The following TDRD3 variants were observed in gnomAD, a reference collection of about 807,000 sequenced individuals.
TDRD3 encodes tudor domain-containing protein 3.
Under a neutral mutation model 86.7 loss-of-function variants are expected in TDRD3, and 45 were observed. The observed-to-expected ratio is 0.52, with a 90% confidence interval of 0.41 to 0.67. TDRD3 has a LOEUF of 0.67. Ranked by LOEUF, TDRD3 falls within the 30% of genes least tolerant of loss-of-function variation. The pLI is 0.00. For missense variants in TDRD3, 814 were observed against 889.0 expected, an observed-to-expected ratio of 0.92 and a Z score of 1.07; for synonymous variants, 298 against 301.7, an observed-to-expected ratio of 0.99 and a Z score of 0.13.
chr13:60,542,679 TG>T (rs1369967427), intron 12 of TDRD3, among the ~76,000 whole-genome samples: 2 of 152,208 alleles, frequency 1.3e-5, no homozygotes, highest in African/African-American at 4.8e-5. Context: ...AGTTGTCAGT[TG>T]TTCATTCTCT....
chr13:60,537,807 G>A (rs1464814193), intron 12 of TDRD3: 4 of 151,860 alleles, frequency 2.6e-5, no homozygotes, highest in African/African-American at 9.7e-5. Context: ...CTTTCATTAA[G>A]ATTTATGTTT....
intron 8 of TDRD3, among the ~76,000 whole-genome samples, chr13:60,507,473 G>A (rs778232287): frequency 7.9e-5 from 12 of 151,982 alleles, no homozygotes; most frequent in Admixed American, 1.3e-4. Flanking sequence ...GCAAAAGAAC[G>A]AAAATAATAA....
intron 5 of TDRD3, among the ~76,000 whole-genome samples, chr13:60,474,994 A>G (rs1956154576): frequency 2.0e-5 from 3 of 151,976 alleles, no homozygotes; most frequent in African/African-American, 2.4e-5. Context: ...CTCATTGTCA[A>G]TTACCTGGTA....
At chr13:60,407,915 T>C (rs1294508131) in intron 1 of TDRD3, among the ~76,000 whole-genome samples, 1 of 152,222 alleles carries the variant, frequency 6.6e-6, no homozygotes, top group Non-Finnish European at 1.5e-5. Flanking sequence ...AATTGAATCA[T>C]GGGGGTCGGT....
At chr13:60,433,620 A>G (rs151102823) in intron 1 of TDRD3, among the ~76,000 whole-genome samples, 2 of 152,362 alleles carry the variant, frequency 1.3e-5, no homozygotes, top group East Asian at 3.9e-4. Context: ...CAAATAATTT[A>G]AATAAACTAA....
At chr13:60,552,023 T>C (rs1958069145) in intron 12 of TDRD3, among the ~76,000 whole-genome samples, 1 of 152,158 alleles carries the variant, frequency 6.6e-6, no homozygotes, top group African/African-American at 2.4e-5. Flanking sequence ...AGCCAAACCA[T>C]ATCTTTCCAC....
At chr13:60,564,718 A>T (rs539666914) in intron 12 of TDRD3, among the ~76,000 whole-genome samples, 2 of 152,302 alleles carry the variant, frequency 1.3e-5, no homozygotes, top group Admixed American at 1.3e-4. Context: ...AAACTATGAA[A>T]TTAAAATTAT....
intron 1 of TDRD3, among the ~76,000 whole-genome samples, chr13:60,412,365 ATTC>A (rs1391755455): frequency 2.0e-5 from 3 of 152,308 alleles, no homozygotes; most frequent in East Asian, 1.9e-4. Flanking sequence ...TTTACTTAAT[ATTC>A]TTCTACTTTT....
chr13:60,551,709 G>A (rs1294042470), intron 12 of TDRD3, among the ~76,000 whole-genome samples: 4 of 152,144 alleles, frequency 2.6e-5, no homozygotes, highest in Non-Finnish European at 5.9e-5. Flanking sequence ...ACCTGAGACT[G>A]CGTAATTTAT....
chr13:60,444,222 T>C (rs2137979206), intron 2 of TDRD3, among the ~76,000 whole-genome samples: 2 of 152,046 alleles, frequency 1.3e-5, no homozygotes, highest in Admixed American at 1.3e-4. Context: ...GGATATTGTA[T>C]GTTATATAGC....
chr13:60,541,852 T>C (rs1957823089), intron 12 of TDRD3, among the ~76,000 whole-genome samples: 1 of 148,996 alleles, frequency 6.7e-6, no homozygotes, highest in African/African-American at 2.5e-5. Context: ...CTCAACCTCC[T>C]GAGTAGCTAG....
rs553919327 is a variant in TDRD3 at position 60,485,560 on chromosome 13, T to C, written c.568-239T>C. Among the ~76,000 whole-genome samples, 3 of 152,220 alleles carry C rather than the reference T, an allele frequency of 2.0e-5. No individual in the cohort carries two copies. The South Asian group carries it at 6.2e-4, about 32-fold the overall frequency. The stretch of plus-strand genomic sequence containing the variant: ...CAGTGTATGTTTTAAATATGTGCCC[T>C]GTTTAGATAGCCACATATTTATATA... On this transcript the variant is annotated intron_variant, in intron 6 of 13. Transcript: ENST00000377881.
At chr13:60,472,061 G>A (rs879042940) in intron 5 of TDRD3, among the ~76,000 whole-genome samples, 6 of 151,876 alleles carry the variant, frequency 4.0e-5, no homozygotes, top group African/African-American at 7.3e-5. Flanking sequence ...TTAGTTTGTC[G>A]TATATTTTTA....
At chr13:60,565,938 AT>A (rs1958449373) in intron 12 of TDRD3, among the ~76,000 whole-genome samples, 1 of 152,100 alleles carries the variant, frequency 6.6e-6, no homozygotes. Context: ...ACTTCTAACC[AT>A]TTTGAGATTG....
intron 1 of TDRD3, among the ~76,000 whole-genome samples, chr13:60,398,747 C>T (rs1035979018): frequency 6.6e-6 from 1 of 152,200 alleles, no homozygotes; most frequent in Non-Finnish European, 1.5e-5. Flanking sequence ...GTTCCTTTAA[C>T]GCTTATGCGT....
At chr13:60,451,175 AGAG>A (rs1179287634) in intron 3 of TDRD3, among the ~76,000 whole-genome samples, 1 of 152,212 alleles carries the variant, frequency 6.6e-6, no homozygotes, top group African/African-American at 2.4e-5. Context: ...TTTTGGTGGT[AGAG>A]AAGAAGAAAA....
At chr13:60,429,586 T>A (rs1233509072) in intron 1 of TDRD3, among the ~76,000 whole-genome samples, 1 of 152,160 alleles carries the variant, frequency 6.6e-6, no homozygotes, top group African/African-American at 2.4e-5. Flanking sequence ...ATGGAATAAC[T>A]TACTTTCTTA....
chr13:60,517,489 G>T (rs968532555), intron 10 of TDRD3, among the ~76,000 whole-genome samples: 1 of 152,130 alleles, frequency 6.6e-6, no homozygotes, highest in Non-Finnish European at 1.5e-5. Flanking sequence ...GTGCCTGTTT[G>T]GAAACCAGGG....
chr13:60,474,352 CCG>C (rs760657426), intron 5 of TDRD3, among the ~76,000 whole-genome samples: 1 of 152,186 alleles, frequency 6.6e-6, no homozygotes, highest in South Asian at 2.1e-4. Flanking sequence ...CTACCGGTCT[CCG>C]CGCCTTGGTG....
Sources: allele counts gnomAD v4.1 joint callset (sites outside exome capture counted in the v4.1 genomes callset), GRCh38; gene constraint gnomAD v4.1.1; transcripts MANE v1.5; gene names NCBI Gene and HGNC (gene_info 2026-07-23, HGNC 2026-07-21).